MAP2: variants seen among roughly 807,000 people sequenced by gnomAD.
MAP2 encodes the protein microtubule associated protein 2, also known as microtubule-associated protein 2.
MAP2 carries 14 observed loss-of-function variants against 137.6 expected under a neutral mutation model. That is an observed-to-expected ratio of 0.10 (90% confidence interval 0.07 to 0.16). The LOEUF (loss-of-function observed/expected upper bound fraction) is 0.16, where lower values mean the gene tolerates loss of function less well. MAP2 is among the 10% of genes least tolerant of loss of function. The pLI, the probability that MAP2 is intolerant of heterozygous loss-of-function variation, is 1.00. For synonymous variants in MAP2, 786 were observed against 782.3 expected, an observed-to-expected ratio of 1.00 and a Z score of -0.08; for missense variants, 2,088 against 2,191.5, an observed-to-expected ratio of 0.95 and a Z score of 0.94.
At chr2:209,646,731 A>C (rs2094443542) in intron 4 of MAP2, among the ~76,000 whole-genome samples, 1 of 152,018 alleles carries the variant, frequency 6.6e-6, no homozygotes, top group Non-Finnish European at 1.5e-5. Flanking sequence ...TTGCCATAGT[A>C]CCCATGTTTT....
chr2:209,629,632 A>G (rs1467706912), intron 4 of MAP2, among the ~76,000 whole-genome samples: 1 of 152,216 alleles, frequency 6.6e-6, no homozygotes, highest in Non-Finnish European at 1.5e-5. Flanking sequence ...TTGGTAAATT[A>G]GGATATCAGA....
intron 2 of MAP2, among the ~76,000 whole-genome samples, chr2:209,521,918 A>G (rs1412558340): frequency 2.6e-5 from 4 of 152,178 alleles, no homozygotes; most frequent in Non-Finnish European, 4.4e-5. Flanking sequence ...AAGACTTCAT[A>G]TTAATTAAAT....
chr2:209,564,034 A>G (rs569477578), intron 2 of MAP2, among the ~76,000 whole-genome samples: 1 of 152,324 alleles, frequency 6.6e-6, no homozygotes, highest in South Asian at 2.1e-4. Flanking sequence ...TCAACAGTCA[A>G]TGTGAAATGA....
chr2:209,697,644 T>C (rs2060568015), intron 10 of MAP2, among the ~76,000 whole-genome samples: 1 of 152,196 alleles, frequency 6.6e-6, no homozygotes, highest in African/African-American at 2.4e-5. Context: ...ATTTTATTCC[T>C]CATATCCAAA....
chr2:209,507,737 T>G (rs1012308842), intron 2 of MAP2, 96 bp downstream of exon 2: 4 of 152,180 alleles, frequency 2.6e-5, no homozygotes, highest in Non-Finnish European at 5.9e-5. Context: ...ATGCTTGCAA[T>G]GTGTAGTAGA....
rs2063181684 is a variant in MAP2 at position 209,705,660 on chromosome 2, A to G, written c.4665A>G (p.Ser1555=). Residue 1555 remains serine, a synonymous_variant, in exon 12 of 16, where the codon TCA becomes TCG. Coordinates refer to ENST00000682079, the MANE Select transcript of MAP2 (RefSeq NM_001375505.1). ...SSILPPRRGV[S]GDRDENSFSL... is the part of the protein sequence containing the mutation. ...TTCTCCCTCCTCGGCGAGGTGTGTC[A>G]GGAGACAGAGATGAGAATTCCTTCT... 3 of 1,613,300 alleles carry G rather than the reference A, an allele frequency of 1.9e-6. No homozygotes were observed. The highest frequency in any genetic ancestry group is 2.5e-6 in the Non-Finnish European group (3 of 1,179,404).
intron 4 of MAP2, among the ~76,000 whole-genome samples, chr2:209,649,625 G>T (rs1411106979): frequency 6.6e-6 from 1 of 152,058 alleles, no homozygotes; most frequent in Non-Finnish European, 1.5e-5. Flanking sequence ...TATATTTTCT[G>T]TAAAAGTAGT....
chr2:209,589,654 A>G (rs1369412347), intron 3 of MAP2, among the ~76,000 whole-genome samples: 2 of 152,234 alleles, frequency 1.3e-5, no homozygotes, highest in African/African-American at 4.8e-5. Flanking sequence ...TGAGAAGCAG[A>G]TAAAGCTAAA....
intron 1 of MAP2, among the ~76,000 whole-genome samples, chr2:209,448,713 GTC>G (rs1699661828): frequency 6.6e-6 from 1 of 152,032 alleles, no homozygotes; most frequent in African/African-American, 2.4e-5. Context: ...CTTCTCTTTT[GTC>G]TCTCAAATCT....
chr2:209,505,674 A>G (rs1484711779), intron 1 of MAP2, among the ~76,000 whole-genome samples: 1 of 148,966 alleles, frequency 6.7e-6, no homozygotes, highest in East Asian at 1.9e-4. Flanking sequence ...TTGTTTTCAT[A>G]TATTGAAAAC....
At chr2:209,508,818 T>C (rs1472963389) in intron 2 of MAP2, among the ~76,000 whole-genome samples, 1 of 152,116 alleles carries the variant, frequency 6.6e-6, no homozygotes, top group Non-Finnish European at 1.5e-5. Context: ...TTTTATATAG[T>C]TCGGGGTCAA....
chr2:209,447,848 CA>C lies in MAP2; in HGVS notation c.-222+23575del. The stretch of plus-strand genomic sequence containing the variant: ...GCTAAAAGAGACACAACAAGGACTG[CA>C]AAGTTCAGTAGAGGGCTCACCAGCT... On this transcript the variant is annotated intron_variant, in intron 1 of 15. Coordinates refer to ENST00000682079, the MANE Select transcript of MAP2 (RefSeq NM_001375505.1). 2.0e-5 allele frequency among the ~76,000 whole-genome samples: 3 copies of C among 152,128 alleles called. No individual in the cohort carries two copies. The South Asian group carries it at 6.2e-4, about 32-fold the overall frequency.
intron 3 of MAP2, among the ~76,000 whole-genome samples, chr2:209,618,136 G>A (rs1362489148): frequency 6.6e-6 from 1 of 152,032 alleles, no homozygotes; most frequent in Non-Finnish European, 1.5e-5. Context: ...TTGGGGAATC[G>A]AAGAGTTCAT....
At chr2:209,432,677 C>T (rs1348811558) in intron 1 of MAP2, among the ~76,000 whole-genome samples, 1 of 152,076 alleles carries the variant, frequency 6.6e-6, no homozygotes, top group Non-Finnish European at 1.5e-5. Context: ...CCATCAGAGT[C>T]AGAGTGACTG....
chr2:209,664,808 A>G (rs2045485971), intron 5 of MAP2, among the ~76,000 whole-genome samples: 1 of 151,810 alleles, frequency 6.6e-6, no homozygotes, highest in Non-Finnish European at 1.5e-5. Context: ...AAAAATACAA[A>G]AATTAGCTAG....
intron 1 of MAP2, among the ~76,000 whole-genome samples, chr2:209,439,605 C>T (rs1176476969): frequency 6.6e-6 from 1 of 151,316 alleles, no homozygotes; most frequent in Admixed American, 6.6e-5. Context: ...TATTGTTTCT[C>T]AGGAAGTGAG....
intron 7 of MAP2, chr2:209,690,696 C>G: frequency 1.0e-5 from 13 of 1,289,746 alleles, no homozygotes; most frequent in Non-Finnish European, 1.3e-5. Context: ...TCAGACCAAC[C>G]CAAGGGCCTC....
At chr2:209,494,916 T>G (rs2059570078) in intron 1 of MAP2, among the ~76,000 whole-genome samples, 1 of 152,220 alleles carries the variant, frequency 6.6e-6, no homozygotes, top group Non-Finnish European at 1.5e-5. Context: ...CTTAGAGAAT[T>G]ATATAGGTAG....
intron 1 of MAP2, among the ~76,000 whole-genome samples, chr2:209,497,657 C>T (rs987181660): frequency 4.6e-5 from 7 of 152,096 alleles, no homozygotes; most frequent in Non-Finnish European, 7.4e-5. Flanking sequence ...TGGCAGAAAG[C>T]AAAGCAGGAG....
Sources: allele counts gnomAD v4.1 joint callset (sites outside exome capture counted in the v4.1 genomes callset), GRCh38; gene constraint gnomAD v4.1.1; transcripts MANE v1.5; gene names NCBI Gene and HGNC (gene_info 2026-07-23, HGNC 2026-07-21).